The following B4GALNT3 variants were observed in gnomAD, a reference collection of about 807,000 sequenced individuals.
B4GALNT3 encodes the protein beta-1,4-N-acetylgalactosaminyltransferase 3.
Under a neutral mutation model 120.2 loss-of-function variants are expected in B4GALNT3, and 86 were observed. That is an observed-to-expected ratio of 0.72 (90% CI 0.60 to 0.86). The LOEUF is 0.86. Among genes scored for constraint, B4GALNT3 ranks in the 40% least tolerant of loss-of-function variants. B4GALNT3 has a pLI of 0.00. For synonymous variants in B4GALNT3, 518 were observed against 510.4 expected (o/e 1.01, Z -0.20); for missense variants, 1,167 against 1,298.9 (o/e 0.90, Z 1.56).
At chr12:551,474 C>T (rs1368437054) in intron 11 of B4GALNT3, among the ~76,000 whole-genome samples, 1 of 152,126 alleles carries the variant, frequency 6.6e-6, no homozygotes, top group Non-Finnish European at 1.5e-5. Context: ...AGAACCCATG[C>T]GGAAGCCAGA....
At chr12:491,647 C>G (rs569610792) in intron 1 of B4GALNT3, among the ~76,000 whole-genome samples, 5 of 151,722 alleles carry the variant, frequency 3.3e-5, no homozygotes, top group Non-Finnish European at 7.4e-5. Flanking sequence ...GATACAAATT[C>G]TTAATAAACT....
intron 1 of B4GALNT3, among the ~76,000 whole-genome samples, chr12:533,613 C>T (rs1473498314): frequency 6.6e-6 from 1 of 152,200 alleles, no homozygotes; most frequent in African/African-American, 2.4e-5. Flanking sequence ...CAGGGGAGCT[C>T]TCTGTTCTGA....
chr12:480,038 G>A (rs186858680), intron 1 of B4GALNT3, among the ~76,000 whole-genome samples: 2 of 151,178 alleles, frequency 1.3e-5, no homozygotes, highest in African/African-American at 4.9e-5. Context: ...CTCAGCCTCC[G>A]GAGTAGCTGG....
chr12:468,963 C>T (rs537892154), intron 1 of B4GALNT3, among the ~76,000 whole-genome samples: 6 of 152,260 alleles, frequency 3.9e-5, no homozygotes, highest in East Asian at 1.9e-4. Flanking sequence ...CATTCCAGGC[C>T]GACCAAAGAC....
At chr12:544,850 G>C in intron 4 of B4GALNT3, 32 bp from the exon 5 acceptor site, 1 of 1,605,878 alleles carries the variant, frequency 6.2e-7, no homozygotes, top group Non-Finnish European at 8.5e-7. Context: ...CCCTCTTCTG[G>C]GTAACTGTTT....
At chr12:559,525 C>G (rs1219077630) in intron 19 of B4GALNT3, 104 bp downstream of exon 19, 1 of 1,516,116 alleles carries the variant, frequency 6.6e-7, no homozygotes, top group Admixed American at 1.9e-5. Flanking sequence ...GCCGCAGAGT[C>G]CCAAAGCACA....
chr12:549,610 G>C (rs761181119), intron 9 of B4GALNT3, among the ~76,000 whole-genome samples, 159 bp from the exon 10 acceptor site: 13 of 152,258 alleles, frequency 8.5e-5, no homozygotes, highest in African/African-American at 1.2e-4. Context: ...TGAAGCCACC[G>C]CTGTGGCGGG....
rs1167944579 is a variant in B4GALNT3 at position 553,747 on chromosome 12, G to C, written c.1824G>C (p.Glu608Asp). 2 of 1,614,224 alleles carry C rather than the reference G, an allele frequency of 1.2e-6. No individual in the cohort carries two copies. The highest frequency in any genetic ancestry group is 1.1e-5 in the South Asian group (1 of 91,086). ...AAGGACAAGTGGAGGGAGAGGAAGA[G>C]GGGGAAGAAGAGGAGGAGGAAGAGG... ...GQEGQVEGEE[E>D]GEEEEEEEDM... Residue 608 changes from glutamate (E) to aspartate (D), a missense_variant, in exon 14 of 20, where the codon GAG (glutamate) becomes GAC (aspartate). By Grantham distance (45) the Glu-to-Asp change is conservative. Transcript: ENST00000266383.
At chr12:506,161 G>T (rs1946495245) in intron 1 of B4GALNT3, among the ~76,000 whole-genome samples, 1 of 151,878 alleles carries the variant, frequency 6.6e-6, no homozygotes, top group African/African-American at 2.4e-5. Context: ...TATTATTTCA[G>T]GCATCCATGA....
intron 1 of B4GALNT3, among the ~76,000 whole-genome samples, chr12:518,548 G>T (rs867141682): frequency 2.0e-5 from 3 of 151,986 alleles, no homozygotes; most frequent in African/African-American, 4.8e-5. Context: ...GACCACAGGC[G>T]TGTGCCACCA....
At chr12:473,693 A>G (rs149518248) in intron 1 of B4GALNT3, among the ~76,000 whole-genome samples, 176 of 152,282 alleles carry the variant, frequency 1.2e-3, no homozygotes, top group African/African-American at 4.1e-3. Flanking sequence ...GGAGGCAGAC[A>G]TTCATTCAGC....
chr12:512,040 G>T (rs1290353762), intron 1 of B4GALNT3, among the ~76,000 whole-genome samples: 3 of 84,234 alleles, frequency 3.6e-5, no homozygotes, highest in South Asian at 4.1e-4. Context: ...TCTACCTTCT[G>T]CCTTCCACCT....
chr12:470,341 C>T (rs938998852), intron 1 of B4GALNT3, among the ~76,000 whole-genome samples: 1 of 152,262 alleles, frequency 6.6e-6, no homozygotes, highest in African/African-American at 2.4e-5. Context: ...TCTTACAAAT[C>T]CTCTGATCCA....
rs1186389996 is a variant in B4GALNT3 at position 559,386 on chromosome 12, C to G, written c.2853C>G (p.Asp951Glu). 6.2e-6 allele frequency: 10 copies of G among 1,614,034 alleles called. No individual in the cohort carries two copies. Among genetic ancestry groups the G allele is most frequent in the Non-Finnish European group, 8.5e-6 (10 of 1,179,960 alleles). ...IGGMNTKEFRDRWGGEDWELL... is the reference protein window; with the variant it reads ...IGGMNTKEFRERWGGEDWELL... ...GCATGAACACCAAGGAGTTCCGAGA[C>G]CGCTGGGGCGGGGAAGACTGGGAGC... The change falls in exon 19 of 20, where the codon GAC (aspartate) becomes GAG (glutamate). Residue 951 changes from aspartate (D) to glutamate (E), a missense_variant. Physicochemically the swap from Asp to Glu is conservative, Grantham distance 45 (BLOSUM62 2). This residue lies in a region of B4GALNT3 where 983 missense variants were observed against 1,102.5 expected (regional missense o/e 0.89). Transcript: ENST00000266383.
intron 1 of B4GALNT3, among the ~76,000 whole-genome samples, chr12:510,584 A>C (rs1454681741): frequency 7.0e-6 from 1 of 141,926 alleles, no homozygotes; most frequent in Non-Finnish European, 1.6e-5. Flanking sequence ...CATTTAATTT[A>C]ATTGGTTTAA....
At chr12:523,100 C>T (rs890689644) in intron 1 of B4GALNT3, among the ~76,000 whole-genome samples, 50 of 152,188 alleles carry the variant, frequency 3.3e-4, no homozygotes, top group African/African-American at 1.2e-3. Flanking sequence ...GTGCCTTTGA[C>T]ATCTGTGCCA....
At chr12:498,911 C>G (rs764377446) in intron 1 of B4GALNT3, among the ~76,000 whole-genome samples, 6 of 152,120 alleles carry the variant, frequency 3.9e-5, no homozygotes, top group Non-Finnish European at 7.4e-5. Flanking sequence ...ATTGCCCTAC[C>G]CTGGAAAGAA....
In B4GALNT3 at chr12:523,463, T is replaced by C. The variant is rs1219388619; in HGVS notation, c.170-11703T>C. Among the ~76,000 whole-genome samples the C allele has an allele frequency of 5.3e-5, 8 of 152,224 alleles. No individual in the cohort carries two copies. The East Asian group carries it at 1.3e-3, about 26-fold the overall frequency. On this transcript the variant is annotated intron_variant, in intron 1 of 19. Transcript: ENST00000266383. ...AAACAAGACCTGGTTTCTGCCTGCATTGTGCTCATTTTCAGCCCTTTCCTA... is the reference window on the plus strand; with the variant it reads ...AAACAAGACCTGGTTTCTGCCTGCACTGTGCTCATTTTCAGCCCTTTCCTA...
At chr12:483,733 C>T (rs1407988855) in intron 1 of B4GALNT3, among the ~76,000 whole-genome samples, 2 of 152,224 alleles carry the variant, frequency 1.3e-5, no homozygotes, top group African/African-American at 2.4e-5. Flanking sequence ...GTGCACGTGG[C>T]ACATGTGATC....
Sources: gnomAD v4.1 joint callset for allele counts (sites outside exome capture counted in the v4.1 genomes callset) on GRCh38, gnomAD v4.1.1 for gene constraint, gnomAD v4.1.1 regional missense constraint, MANE v1.5 for transcripts, NCBI Gene and HGNC (gene_info 2026-07-23, HGNC 2026-07-21) for gene names.